UST: variants seen among roughly 807,000 people sequenced by gnomAD.
UST encodes uronyl 2-sulfotransferase.
In UST, 21 loss-of-function variants were observed where a neutral mutation model predicts 45.6. That is an observed-to-expected ratio of 0.46 (90% CI 0.33 to 0.66). The LOEUF (loss-of-function observed/expected upper bound fraction) is 0.66, where lower values mean the gene tolerates loss of function less well. Among genes scored for constraint, UST ranks in the 30% least tolerant of loss-of-function variants. UST has a pLI of 0.02. For synonymous variants in UST, 215 were observed against 200.6 expected, an observed-to-expected ratio of 1.07 and a Z score of -0.61; for missense variants, 463 against 512.4, an observed-to-expected ratio of 0.90 and a Z score of 0.93.
intron 2 of UST, among the ~76,000 whole-genome samples, chr6:148,935,694 T>C (rs1448951562): frequency 6.6e-6 from 1 of 152,202 alleles, no homozygotes; most frequent in Non-Finnish European, 1.5e-5. Context: ...GTGGAAGCAG[T>C]TGACAATATT....
chr6:149,027,178 T>A (rs771230245), intron 7 of UST, among the ~76,000 whole-genome samples: 9 of 152,190 alleles, frequency 5.9e-5, no homozygotes, highest in African/African-American at 9.7e-5. Flanking sequence ...TTGAGGATAT[T>A]TGCTAGAAAA....
At chr6:148,785,093 A>G (rs1776711921) in intron 1 of UST, among the ~76,000 whole-genome samples, 1 of 151,788 alleles carries the variant, frequency 6.6e-6, no homozygotes, top group African/African-American at 2.4e-5. Context: ...CCCAGCTACT[A>G]GGGAGGTTGA....
chr6:148,806,080 C>CTT (rs58176324), intron 1 of UST, among the ~76,000 whole-genome samples: 70 of 149,830 alleles, frequency 4.7e-4, no homozygotes, highest in South Asian at 4.6e-3. Context: ...CAAAGGGACG[C>CTT]TTTTTTTTTT....
At chr6:148,803,958 T>A (rs944418074) in intron 1 of UST, among the ~76,000 whole-genome samples, 7 of 152,182 alleles carry the variant, frequency 4.6e-5, no homozygotes, top group Non-Finnish European at 1.0e-4. Context: ...CTCCATCATC[T>A]CCCTGGCTTG....
intron 3 of UST, among the ~76,000 whole-genome samples, chr6:148,953,557 C>A (rs539185181): frequency 6.6e-6 from 1 of 151,980 alleles, no homozygotes; most frequent in East Asian, 1.9e-4. Context: ...CCGAGGCGGG[C>A]GGATCACGAG....
chr6:149,009,362 A>G (rs1775766744), intron 5 of UST, among the ~76,000 whole-genome samples: 1 of 152,174 alleles, frequency 6.6e-6, no homozygotes, highest in African/African-American at 2.4e-5. Flanking sequence ...AAGAATGCAG[A>G]AAATGAAGGA....
intron 1 of UST, among the ~76,000 whole-genome samples, chr6:148,809,258 G>A (rs1485220274): frequency 2.0e-5 from 3 of 152,152 alleles, no homozygotes; most frequent in African/African-American, 7.2e-5. Flanking sequence ...CGTGTTTGGG[G>A]ATCTCAGAAG....
intron 1 of UST, among the ~76,000 whole-genome samples, chr6:148,867,588 C>G (rs1035731308): frequency 4.6e-5 from 7 of 152,028 alleles, no homozygotes; most frequent in Non-Finnish European, 8.8e-5. Flanking sequence ...ATACTGTTCT[C>G]GTGGTAGTGA....
chr6:149,021,217 T>G, intron 6 of UST, 107 bp from the exon 7 acceptor site: 1 of 1,271,536 alleles, frequency 7.9e-7, no homozygotes, highest in South Asian at 1.5e-5. Flanking sequence ...AAACAGGATT[T>G]GGACTTATGC....
chr6:148,755,793 C>T (rs1776083639), intron 1 of UST, among the ~76,000 whole-genome samples: 1 of 152,026 alleles, frequency 6.6e-6, no homozygotes, highest in Non-Finnish European at 1.5e-5. Flanking sequence ...ATTCACATTT[C>T]CTGCCACCTC....
chr6:148,752,465 A>G (rs562383825), intron 1 of UST, among the ~76,000 whole-genome samples: 1 of 152,352 alleles, frequency 6.6e-6, no homozygotes, highest in African/African-American at 2.4e-5. Context: ...GTGGCACTAT[A>G]TTAGAGAAAG....
At chr6:149,051,368 T>G (rs752815510) in intron 7 of UST, among the ~76,000 whole-genome samples, 3 of 152,196 alleles carry the variant, frequency 2.0e-5, no homozygotes, top group Non-Finnish European at 4.4e-5. Context: ...GCAGGCCCTC[T>G]GAACCCCATG....
intron 6 of UST, among the ~76,000 whole-genome samples, chr6:149,019,769 A>G (rs1406967121): frequency 6.6e-6 from 1 of 152,206 alleles, no homozygotes; most frequent in Non-Finnish European, 1.5e-5. Flanking sequence ...CCTTACTTGA[A>G]GGCACAACCT....
At chr6:148,890,610 A>C (rs1778999180) in intron 2 of UST, among the ~76,000 whole-genome samples, 1 of 152,196 alleles carries the variant, frequency 6.6e-6, no homozygotes, top group Non-Finnish European at 1.5e-5. Context: ...ACATTCCACA[A>C]GTAATAGCCA....
chr6:149,065,878 G>A (rs1487654184), intron 7 of UST, among the ~76,000 whole-genome samples: 9 of 152,252 alleles, frequency 5.9e-5, no homozygotes, highest in Admixed American at 2.0e-4. Context: ...TGTGGAAAAC[G>A]AAGGTCAAAA....
At chr6:148,773,351 C>T (rs1426315031) in intron 1 of UST, among the ~76,000 whole-genome samples, 1 of 151,898 alleles carries the variant, frequency 6.6e-6, no homozygotes, top group African/African-American at 2.4e-5. Flanking sequence ...ATCCCAGCTA[C>T]TCAGGAGGCT....
chr6:148,935,754 G>C (rs1780012991), intron 2 of UST, among the ~76,000 whole-genome samples: 2 of 152,302 alleles, frequency 1.3e-5, no homozygotes, highest in South Asian at 4.2e-4. Context: ...GGGAAGGAGG[G>C]AAGGGAAAAG....
intron 7 of UST, among the ~76,000 whole-genome samples, chr6:149,023,104 GTGTGTGTGTGTGT>G (rs1776002238): frequency 7.6e-4 from 4 of 5,238 alleles, no homozygotes; most frequent in African/African-American, 9.6e-4. Flanking sequence ...GTTCTATGGT[GTGTGTGTGTGTGT>G]GTGTGTGTGT....
chr6:149,063,711 T>C (rs2115043081), intron 7 of UST, among the ~76,000 whole-genome samples: 1 of 152,278 alleles, frequency 6.6e-6, no homozygotes, highest in East Asian at 1.9e-4. Context: ...AGCACCCTCG[T>C]CCTTCTGATG....
Sources: allele counts gnomAD v4.1 joint callset (sites outside exome capture counted in the v4.1 genomes callset), GRCh38; gene constraint gnomAD v4.1.1; transcripts MANE v1.5; gene names NCBI Gene and HGNC (gene_info 2026-07-23, HGNC 2026-07-21).